Variants in RAB3B observed in about 807,000 individuals in gnomAD.
RAB3B encodes RAB3B, member RAS oncogene family.
Under a neutral mutation model 20.5 loss-of-function variants are expected in RAB3B, and 11 were observed. The ratio of observed to expected loss-of-function variants is 0.54; its 90% CI spans 0.34 to 0.89. The LOEUF is 0.89. RAB3B is among the 40% of genes least tolerant of loss of function. The pLI, the probability that RAB3B is intolerant of heterozygous loss-of-function variation, is 0.02. For synonymous variants in RAB3B, 99 were observed against 106.3 expected, an observed-to-expected ratio of 0.93 and a Z score of 0.42; for missense variants, 225 against 280.9, an observed-to-expected ratio of 0.80 and a Z score of 1.42.
chr1:51,911,955 G>A lies in RAB3B; in HGVS notation c.*7972C>T, dbSNP rs531397321. On this transcript the variant is annotated 3_prime_UTR_variant, in exon 5 of 5. Transcript: ENST00000371655. The stretch of plus-strand genomic sequence containing the variant: ...ATTTCTGGAAGAAACAAGGAGAGAG[G>A]TGACAGCTGCTTATTACAGGAAATG... The A allele has an allele frequency of 6.6e-6, 1 of 152,152 alleles. No individual in the cohort carries two copies. Among genetic ancestry groups the A allele is most frequent in the South Asian group, 2.1e-4 (1 of 4,816 alleles). 9.4% of individuals were successfully genotyped at this position (152,152 alleles called of 1,614,324 possible).
intron 3 of RAB3B, among the ~76,000 whole-genome samples, chr1:51,934,327 AGCCTCT>A (rs1275791232): frequency 1.8e-4 from 27 of 152,184 alleles, no homozygotes; most frequent in African/African-American, 6.3e-4. Flanking sequence ...CCTTGAGGGG[AGCCTCT>A]TCAAGCTTCT....
At chr1:51,922,928 C>T (rs889443921) in intron 4 of RAB3B, among the ~76,000 whole-genome samples, 16 of 152,134 alleles carry the variant, frequency 1.1e-4, no homozygotes, top group Admixed American at 3.9e-4. Flanking sequence ...AACTCCCAAC[C>T]TCAGGTGATC....
intron 2 of RAB3B, among the ~76,000 whole-genome samples, chr1:51,959,824 C>T (rs763121729): frequency 2.0e-5 from 3 of 152,168 alleles, no homozygotes; most frequent in African/African-American, 4.8e-5. Context: ...AACCAGGTGT[C>T]GGGTAAATGG....
intron 4 of RAB3B, among the ~76,000 whole-genome samples, chr1:51,923,231 G>A (rs1684197204): frequency 6.6e-6 from 1 of 152,200 alleles, no homozygotes; most frequent in South Asian, 2.1e-4. Context: ...GAGACTCAGA[G>A]ATGGGCCAGG....
Position 51,932,102 on chromosome 1 carries a change from A to T in RAB3B, c.472+1216T>A, listed in dbSNP as rs1684335231. Among the ~76,000 whole-genome samples, 4 of 152,268 alleles carry T rather than the reference A, an allele frequency of 2.6e-5. No homozygotes were observed. In the South Asian group the frequency reaches 8.3e-4, roughly 32 times the overall value. ...GCACTTATAGTTTGCTACAGTTTACAGGACACCTTGGGGAGAAAAAAGTAT... is the reference window on the plus strand; with the variant it reads ...GCACTTATAGTTTGCTACAGTTTACTGGACACCTTGGGGAGAAAAAAGTAT... On this transcript the variant is annotated intron_variant, in intron 4 of 4. Coordinates refer to ENST00000371655, the MANE Select transcript of RAB3B (RefSeq NM_002867.4).
At chr1:51,989,101 G>GTGCACACACACA (rs749312487) in intron 1 of RAB3B, among the ~76,000 whole-genome samples, 8 of 24,014 alleles carry the variant, frequency 3.3e-4, no homozygotes, top group East Asian at 2.6e-3. Context: ...ACCTGTGCGC[G>GTGCACACACACA]CGCACACACA....
At chr1:51,947,943 C>T (rs1684586951) in intron 2 of RAB3B, among the ~76,000 whole-genome samples, 3 of 152,114 alleles carry the variant, frequency 2.0e-5, no homozygotes, top group Admixed American at 2.0e-4. Context: ...ATTATTAGAA[C>T]ATTTCTTCCT....
chr1:51,988,124 C>T (rs1685174446), intron 1 of RAB3B, among the ~76,000 whole-genome samples: 1 of 152,130 alleles, frequency 6.6e-6, no homozygotes, highest in African/African-American at 2.4e-5. Context: ...CAAACCCATG[C>T]TGTTCAAAGG....
intron 1 of RAB3B, among the ~76,000 whole-genome samples, chr1:51,989,286 TCCA>T (rs1557980878): frequency 1.4e-5 from 2 of 141,772 alleles, no homozygotes; most frequent in African/African-American, 5.3e-5. Flanking sequence ...TCCCACCTCC[TCCA>T]CATCTCTCTT....
At chr1:51,962,681 C>A (rs963173205) in intron 2 of RAB3B, among the ~76,000 whole-genome samples, 2 of 152,188 alleles carry the variant, frequency 1.3e-5, no homozygotes, top group Non-Finnish European at 2.9e-5. Context: ...CCCACTGAAA[C>A]CTTTCTCTGA....
chr1:51,958,459 C>G (rs1159366065), intron 2 of RAB3B, among the ~76,000 whole-genome samples: 1 of 152,192 alleles, frequency 6.6e-6, no homozygotes, highest in Admixed American at 6.5e-5. Context: ...CGCGGTGGCT[C>G]ATGCCTGTAA....
intron 2 of RAB3B, among the ~76,000 whole-genome samples, chr1:51,969,112 T>C (rs998047193): frequency 1.3e-5 from 2 of 152,098 alleles, no homozygotes; most frequent in African/African-American, 4.8e-5. Flanking sequence ...CTGGGGAACA[T>C]GACAAAACCC....
chr1:51,943,318 A>T (rs1263964730), intron 2 of RAB3B, among the ~76,000 whole-genome samples: 1 of 152,080 alleles, frequency 6.6e-6, no homozygotes, highest in African/African-American at 2.4e-5. Flanking sequence ...CAGGAGGCGG[A>T]GGCTGCAGTG....
In RAB3B at chr1:51,980,043, C is replaced by A. The variant is rs1048482704; in HGVS notation, c.1-2926G>T. ...CGCGACAGAGCGAGACTCCACCCCCCCAAAAAAAAAATTAACTGACATCCC... is the reference window on the plus strand; with the variant it reads ...CGCGACAGAGCGAGACTCCACCCCCACAAAAAAAAAATTAACTGACATCCC... On this transcript the variant is annotated intron_variant, in intron 1 of 4. Transcript: ENST00000371655. Among the ~76,000 whole-genome samples the A allele has an allele frequency of 9.9e-5, 15 of 151,668 alleles. No individual in the cohort carries two copies. In the South Asian group the frequency reaches 2.1e-3, roughly 21 times the overall value.
intron 2 of RAB3B, among the ~76,000 whole-genome samples, chr1:51,945,844 G>T (rs1265275417): frequency 1.3e-5 from 2 of 152,230 alleles, no homozygotes; most frequent in African/African-American, 4.8e-5. Context: ...TAAGAGTTGA[G>T]CAGGCCTTGG....
intron 1 of RAB3B, among the ~76,000 whole-genome samples, chr1:51,978,443 C>A (rs1220545803): frequency 6.6e-6 from 1 of 152,202 alleles, no homozygotes; most frequent in African/African-American, 2.4e-5. Flanking sequence ...CCAAAGCCTT[C>A]AAAGCCTAGG....
chr1:51,961,316 G>A (rs998864919), intron 2 of RAB3B, among the ~76,000 whole-genome samples: 8 of 152,168 alleles, frequency 5.3e-5, no homozygotes, highest in African/African-American at 1.9e-4. Flanking sequence ...TAACTAAAAG[G>A]TGATAGTTTG....
chr1:51,931,060 AT>A (rs1364072084), intron 4 of RAB3B, among the ~76,000 whole-genome samples: 1 of 151,952 alleles, frequency 6.6e-6, no homozygotes. Flanking sequence ...ATGCTGGTAT[AT>A]TTTTTTCTAA....
intron 1 of RAB3B, among the ~76,000 whole-genome samples, chr1:51,984,387 CTTTTTTTTT>C (rs949424495): frequency 1.0e-5 from 1 of 98,906 alleles, no homozygotes; most frequent in Admixed American, 1.1e-4. Context: ...AAGACCAATT[CTTTTTTTTT>C]TTTTTTTTTT....
Sources: allele counts gnomAD v4.1 joint callset (sites outside exome capture counted in the v4.1 genomes callset), GRCh38; gene constraint gnomAD v4.1.1; transcripts MANE v1.5; gene names NCBI Gene and HGNC (gene_info 2026-07-23, HGNC 2026-07-21).